BCKDHB: variants seen among roughly 807,000 people sequenced by gnomAD.
BCKDHB encodes the protein branched chain keto acid dehydrogenase E1 subunit beta.
In BCKDHB, 41 loss-of-function variants were observed where a neutral mutation model predicts 48.5. That is an observed-to-expected ratio of 0.85 (90% CI 0.66 to 1.10). The LOEUF is 1.10. BCKDHB is among the 50% of genes least tolerant of loss of function. BCKDHB has a pLI of 0.00. For missense variants in BCKDHB, 496 were observed against 494.2 expected, an observed-to-expected ratio of 1.00 and a Z score of -0.03; for synonymous variants, 201 against 174.8, an observed-to-expected ratio of 1.15 and a Z score of -1.18.
chr6:80,179,521 G>T (rs1773315087), intron 6 of BCKDHB, among the ~76,000 whole-genome samples: 1 of 152,042 alleles, frequency 6.6e-6, no homozygotes, highest in Non-Finnish European at 1.5e-5. Flanking sequence ...TTGTGCATAG[G>T]TTCTATGCAA....
intron 3 of BCKDHB, among the ~76,000 whole-genome samples, chr6:80,141,842 C>T (rs1253999832): frequency 6.6e-6 from 1 of 152,074 alleles, no homozygotes; most frequent in African/African-American, 2.4e-5. Flanking sequence ...TCCACATCCT[C>T]AAGCCACACA....
At chr6:80,227,298 T>TG (rs1775719906) in intron 8 of BCKDHB, among the ~76,000 whole-genome samples, 1 of 152,226 alleles carries the variant, frequency 6.6e-6, no homozygotes, top group South Asian at 2.1e-4. Flanking sequence ...AGAGAACTTC[T>TG]GGGGACACTG....
At chr6:80,336,707 A>G (rs562637640) in intron 9 of BCKDHB, among the ~76,000 whole-genome samples, 2 of 152,134 alleles carry the variant, frequency 1.3e-5, no homozygotes, top group South Asian at 4.1e-4. Context: ...TGTTATACAA[A>G]TCTGGATGAA....
At chr6:80,300,130 C>T (rs899797449) in intron 9 of BCKDHB, among the ~76,000 whole-genome samples, 46 of 151,982 alleles carry the variant, frequency 3.0e-4, no homozygotes, top group African/African-American at 1.1e-3. Context: ...CAGCCCACTG[C>T]ATCCTTGACT....
the BCKDHB span, among the ~76,000 whole-genome samples, chr6:80,430,627 G>C: frequency 6.6e-6 from 1 of 152,056 alleles, no homozygotes; most frequent in Non-Finnish European, 1.5e-5. Context: ...ATTGTATTCT[G>C]TGATGGTAGT....
the BCKDHB span, among the ~76,000 whole-genome samples, chr6:80,411,577 T>A: frequency 6.6e-6 from 1 of 152,018 alleles, no homozygotes; most frequent in African/African-American, 2.4e-5. Flanking sequence ...AGAGGTGGAG[T>A]CTATAGAGGC....
chr6:80,389,923 T>C, the BCKDHB span, among the ~76,000 whole-genome samples: 5,939 of 152,120 alleles, frequency 0.039, 367 homozygotes, highest in African/African-American at 0.12. Context: ...AGTAGCAAAA[T>C]TTTTGCTTCC....
At chr6:80,198,130 C>A (rs1300092944) in intron 6 of BCKDHB, among the ~76,000 whole-genome samples, 1 of 152,184 alleles carries the variant, frequency 6.6e-6, no homozygotes, top group Admixed American at 6.5e-5. Context: ...GCAGACCATA[C>A]TGTCTTTGTT....
At chr6:80,266,774 T>A (rs926211813) in intron 8 of BCKDHB, among the ~76,000 whole-genome samples, 1 of 152,102 alleles carries the variant, frequency 6.6e-6, no homozygotes, top group Non-Finnish European at 1.5e-5. Context: ...CTCTAAGATA[T>A]GAAAGACATC....
Position 80,167,830 on chromosome 6 carries a change from C to G in BCKDHB, c.477+19C>G, listed in dbSNP as rs984092629. On this transcript the variant is annotated intron_variant, in intron 4 of 9. Transcript: ENST00000320393. Reference sequence around the variant, plus strand: ...TGATCAGGTAAGTGAATGAACATTTCTAAGGTTGTTCATTCATTGAAATAT... The same window carrying G: ...TGATCAGGTAAGTGAATGAACATTTGTAAGGTTGTTCATTCATTGAAATAT... 9 of 1,611,148 alleles carry G rather than the reference C, an allele frequency of 5.6e-6. No homozygotes were observed. Among genetic ancestry groups the G allele is most frequent in the Non-Finnish European group, 7.6e-6 (9 of 1,177,996 alleles).
chr6:80,438,022 G>A, the BCKDHB span, among the ~76,000 whole-genome samples: 9 of 152,038 alleles, frequency 5.9e-5, no homozygotes, highest in Admixed American at 5.2e-4. Flanking sequence ...CGCTTATTAC[G>A]CACTGGATAA....
At chr6:80,118,024 T>G (rs1769799530) in intron 1 of BCKDHB, among the ~76,000 whole-genome samples, 1 of 152,184 alleles carries the variant, frequency 6.6e-6, no homozygotes, top group Admixed American at 6.5e-5. Flanking sequence ...GATCTTACTT[T>G]ATGAAATGTA....
intron 3 of BCKDHB, among the ~76,000 whole-genome samples, chr6:80,130,054 T>C (rs754056611): frequency 1.3e-5 from 2 of 152,236 alleles, no homozygotes; most frequent in Non-Finnish European, 2.9e-5. Flanking sequence ...TTTCTGCCCA[T>C]TGCTTTTATT....
intron 8 of BCKDHB, among the ~76,000 whole-genome samples, chr6:80,235,389 G>T (rs1776108641): frequency 6.6e-6 from 1 of 152,082 alleles, no homozygotes; most frequent in Non-Finnish European, 1.5e-5. Flanking sequence ...TAACCTAAAG[G>T]GATAGTTGCT....
intron 9 of BCKDHB, among the ~76,000 whole-genome samples, chr6:80,333,602 C>T (rs1769430150): frequency 6.6e-6 from 1 of 152,084 alleles, no homozygotes; most frequent in Non-Finnish European, 1.5e-5. Context: ...AAGTCATTAT[C>T]TTTGGTGTAT....
chr6:80,376,877 CTA>C, the BCKDHB span, among the ~76,000 whole-genome samples: 1 of 152,116 alleles, frequency 6.6e-6, no homozygotes, highest in Admixed American at 6.6e-5. Context: ...GATCTTTTGT[CTA>C]TTTTTAATTG....
chr6:80,395,459 G>T, the BCKDHB span, among the ~76,000 whole-genome samples: 4 of 152,180 alleles, frequency 2.6e-5, no homozygotes, highest in Non-Finnish European at 5.9e-5. Flanking sequence ...TATGCAAAAA[G>T]ACTGGCATTT....
the BCKDHB span, among the ~76,000 whole-genome samples, chr6:80,434,635 C>A: frequency 1.3e-5 from 2 of 151,452 alleles, no homozygotes; most frequent in Non-Finnish European, 2.9e-5. Flanking sequence ...CAGTTTAATC[C>A]CTTTGTAGAA....
chr6:80,282,793 G>A (rs538334561), intron 9 of BCKDHB, among the ~76,000 whole-genome samples: 1 of 152,064 alleles, frequency 6.6e-6, no homozygotes, highest in Admixed American at 6.5e-5. Context: ...TCATTTTTAT[G>A]TACATACATG....
Sources: gnomAD v4.1 joint callset for allele counts (sites outside exome capture counted in the v4.1 genomes callset) on GRCh38, gnomAD v4.1.1 for gene constraint, MANE v1.5 for transcripts, NCBI Gene and HGNC (gene_info 2026-07-23, HGNC 2026-07-21) for gene names.